The following CELF2 variants were observed in gnomAD, a reference collection of about 807,000 sequenced individuals.
CELF2 encodes CUGBP Elav-like family member 2.
Under a neutral mutation model 62.6 loss-of-function variants are expected in CELF2, and 8 were observed. That is an observed-to-expected ratio of 0.13 (90% CI 0.07 to 0.23). CELF2 has a LOEUF of 0.23. CELF2 is among the 10% of genes least tolerant of loss of function. The pLI, the probability that CELF2 is intolerant of heterozygous loss-of-function variation, is 1.00. For synonymous variants in CELF2, 258 were observed against 250.0 expected, an observed-to-expected ratio of 1.03 and a Z score of -0.30; for missense variants, 333 against 671.0, an observed-to-expected ratio of 0.50 and a Z score of 5.56.
In CELF2 at chr10:11,197,055, A is replaced by G. The variant is rs1186135768; in HGVS notation, c.272-20370A>G. 5.7e-3 allele frequency among the ~76,000 whole-genome samples: 550 copies of G among 97,342 alleles called. 68 individuals are homozygous for G. The highest frequency in any genetic ancestry group is 0.016 in the South Asian group (56 of 3,534). The allele number at this position is 97,342 out of a possible 152,430, so 63.9% of individuals were successfully genotyped here. ...AAAGAAAGAAAGAAAGAAAGAAAGA[A>G]AGAAAAGAAAGAAAGGAAAGAAAGA... On this transcript the variant is annotated intron_variant, in intron 2 of 12. Transcript: ENST00000633077.
chr10:10,914,122 A>G (rs2064103791), intron 1 of CELF2, among the ~76,000 whole-genome samples: 1 of 11,752 alleles, frequency 8.5e-5, no homozygotes, highest in Non-Finnish European at 1.6e-4. Flanking sequence ...AATCTATTTT[A>G]CCTTTTTTTA....
At chr10:11,053,216 G>A (rs1328893357) in intron 1 of CELF2, among the ~76,000 whole-genome samples, 1 of 152,150 alleles carries the variant, frequency 6.6e-6, no homozygotes, top group Non-Finnish European at 1.5e-5. Flanking sequence ...ATTACAGTCA[G>A]TTTCCCAACA....
the CELF2 span, among the ~76,000 whole-genome samples, chr10:10,634,804 G>T: frequency 6.6e-6 from 1 of 151,968 alleles, no homozygotes; most frequent in African/African-American, 2.4e-5. Context: ...TGGGACTACA[G>T]GCATGTGCCA....
chr10:10,758,252 G>A, the CELF2 span, among the ~76,000 whole-genome samples: 1 of 152,202 alleles, frequency 6.6e-6, no homozygotes, highest in Non-Finnish European at 1.5e-5. Context: ...CAAAACAAGA[G>A]GACACAAATG....
At chr10:11,182,535 C>G (rs1310671432) in intron 2 of CELF2, among the ~76,000 whole-genome samples, 1 of 152,128 alleles carries the variant, frequency 6.6e-6, no homozygotes, top group Non-Finnish European at 1.5e-5. Flanking sequence ...GGATTTTCTT[C>G]CTTTGAGGAC....
intron 1 of CELF2, among the ~76,000 whole-genome samples, chr10:11,053,881 T>C (rs1313183545): frequency 1.3e-5 from 2 of 152,194 alleles, no homozygotes; most frequent in Non-Finnish European, 2.9e-5. Context: ...CCCAAAGTGC[T>C]GGGATTACAG....
intron 2 of CELF2, among the ~76,000 whole-genome samples, chr10:11,209,012 G>A (rs1269965618): frequency 6.6e-6 from 1 of 152,180 alleles, no homozygotes; most frequent in Non-Finnish European, 1.5e-5. Context: ...AGGCGTAAAA[G>A]GCTGGAGGAG....
intron 2 of CELF2, among the ~76,000 whole-genome samples, chr10:11,176,660 G>C (rs1290079919): frequency 4.6e-5 from 7 of 152,222 alleles, no homozygotes; most frequent in Admixed American, 3.9e-4. Context: ...CTGCTAGGTA[G>C]TGTAGACTAG....
intron 1 of CELF2, among the ~76,000 whole-genome samples, chr10:10,844,483 A>G (rs1327223087): frequency 6.6e-6 from 1 of 152,136 alleles, no homozygotes; most frequent in Non-Finnish European, 1.5e-5. Context: ...ATAGTACAGA[A>G]GATTCCTCTA....
At chr10:10,621,535 T>C in the CELF2 span, among the ~76,000 whole-genome samples, 2 of 152,174 alleles carry the variant, frequency 1.3e-5, no homozygotes. Flanking sequence ...CTGATGAGGC[T>C]CTACACTTTG....
chr10:11,317,267 A>T (rs1256513850), intron 10 of CELF2: 1 of 152,062 alleles, frequency 6.6e-6, no homozygotes, highest in Non-Finnish European at 1.5e-5. Context: ...TGCTCCAGGC[A>T]TATTTTCGTG....
At chr10:10,945,292 G>C (rs796753865) in intron 2 of CELF2, among the ~76,000 whole-genome samples, 28 of 152,292 alleles carry the variant, frequency 1.8e-4, no homozygotes, top group African/African-American at 6.3e-4. Flanking sequence ...CTTGGGCCTT[G>C]GCTGATGAGC....
At chr10:10,937,624 A>G (rs1391341192) in intron 2 of CELF2, 2 of 152,214 alleles carry the variant, frequency 1.3e-5, no homozygotes, top group Non-Finnish European at 1.5e-5. Flanking sequence ...ATACAGTATC[A>G]TATTAGGATA....
At chr10:11,085,909 C>T (rs767053077) in intron 1 of CELF2, among the ~76,000 whole-genome samples, 2 of 152,116 alleles carry the variant, frequency 1.3e-5, no homozygotes, top group Non-Finnish European at 2.9e-5. Flanking sequence ...CAGACCTTTT[C>T]TGTCAACTCT....
intron 1 of CELF2, among the ~76,000 whole-genome samples, chr10:11,080,022 G>T (rs1185044079): frequency 6.6e-6 from 1 of 152,172 alleles, no homozygotes; most frequent in Non-Finnish European, 1.5e-5. Context: ...TTGCTCTCCG[G>T]TTTATAAATG....
At chr10:10,803,251 A>T (rs2054853182) in intron 1 of CELF2, among the ~76,000 whole-genome samples, 1 of 152,202 alleles carries the variant, frequency 6.6e-6, no homozygotes, top group Admixed American at 6.5e-5. Flanking sequence ...TTCCCTACTA[A>T]AACTTGCCCT....
At chr10:10,956,563 T>C (rs1038798960) in intron 2 of CELF2, among the ~76,000 whole-genome samples, 1 of 152,112 alleles carries the variant, frequency 6.6e-6, no homozygotes, top group African/African-American at 2.4e-5. Flanking sequence ...TCTACCATAG[T>C]GTTAAATAAT....
the CELF2 span, among the ~76,000 whole-genome samples, chr10:10,494,118 C>T: frequency 6.6e-6 from 1 of 152,274 alleles, no homozygotes; most frequent in Admixed American, 6.5e-5. Context: ...TTGCCTGGCA[C>T]GGAATGAATG....
the CELF2 span, among the ~76,000 whole-genome samples, chr10:10,521,191 G>A: frequency 1.3e-5 from 2 of 152,184 alleles, no homozygotes; most frequent in African/African-American, 2.4e-5. Flanking sequence ...TAAAGACAGT[G>A]AGTCGTTTGT....
Sources: gnomAD v4.1 joint callset for allele counts (sites outside exome capture counted in the v4.1 genomes callset) on GRCh38, gnomAD v4.1.1 for gene constraint, MANE v1.5 for transcripts, NCBI Gene and HGNC (gene_info 2026-07-23, HGNC 2026-07-21) for gene names.